Variants in TRAPPC9 observed in about 807,000 individuals in gnomAD.
The protein encoded by TRAPPC9 is IKK2 binding protein.
Under a neutral mutation model 124.0 loss-of-function variants are expected in TRAPPC9, and 83 were observed. That is an observed-to-expected ratio of 0.67 (90% CI 0.56 to 0.80). TRAPPC9 has a LOEUF of 0.80. Among genes scored for constraint, TRAPPC9 ranks in the 30% least tolerant of loss-of-function variants. The probability of loss-of-function intolerance (pLI) is 0.00; values close to 1 mark genes in which losing one functional copy is unlikely to be tolerated. For missense variants in TRAPPC9, 1,302 were observed against 1,508.3 expected, an observed-to-expected ratio of 0.86 and a Z score of 2.27; for synonymous variants, 638 against 617.5, an observed-to-expected ratio of 1.03 and a Z score of -0.49.
intron 21 of TRAPPC9, among the ~76,000 whole-genome samples, chr8:139,838,245 C>T (rs1036124735): frequency 1.3e-5 from 2 of 152,184 alleles, no homozygotes; most frequent in African/African-American, 4.8e-5. Flanking sequence ...GGAGGCTTCC[C>T]CTGCCCCCTG....
intron 17 of TRAPPC9, among the ~76,000 whole-genome samples, chr8:140,027,151 A>G (rs1023083261): frequency 2.6e-5 from 4 of 152,208 alleles, no homozygotes; most frequent in Non-Finnish European, 5.9e-5. Context: ...CTTCCTGGGT[A>G]TCTTCTGAGT....
intron 15 of TRAPPC9, among the ~76,000 whole-genome samples, chr8:140,274,943 T>A (rs748223514): frequency 6.6e-6 from 1 of 152,194 alleles, no homozygotes; most frequent in Non-Finnish European, 1.5e-5. Flanking sequence ...TCATTCTCTG[T>A]CTGGTCTCAC....
At chr8:140,223,015 A>G (rs4549745) in intron 16 of TRAPPC9, among the ~76,000 whole-genome samples, 98,837 of 152,140 alleles carry the variant, frequency 0.65, 32,717 homozygotes, top group Admixed American at 0.73. Flanking sequence ...CGTTTTATTT[A>G]TTCTTTCTTT....
At chr8:140,040,844 CT>C (rs1841229922) in intron 17 of TRAPPC9, 1 of 152,194 alleles carries the variant, frequency 6.6e-6, no homozygotes, top group East Asian at 1.9e-4. Flanking sequence ...CCCAAGTCAA[CT>C]GCAATCAAGA....
intron 7 of TRAPPC9, among the ~76,000 whole-genome samples, chr8:140,396,965 C>A (rs2069114368): frequency 7.7e-6 from 1 of 130,156 alleles, no homozygotes; most frequent in African/African-American, 2.9e-5. Flanking sequence ...TAGCACAACG[C>A]CCTCCTAAGT....
intron 5 of TRAPPC9, among the ~76,000 whole-genome samples, chr8:140,412,332 A>T (rs560673037): frequency 1.1e-4 from 17 of 152,244 alleles, no homozygotes; most frequent in Non-Finnish European, 2.2e-4. Context: ...AATTATCATG[A>T]AAAACGAAGA....
chr8:140,017,907 A>C (rs1667463834), intron 18 of TRAPPC9, among the ~76,000 whole-genome samples: 1 of 151,772 alleles, frequency 6.6e-6, no homozygotes, highest in African/African-American at 2.4e-5. Flanking sequence ...GCAGTGGTAT[A>C]ATCTCGGCTG....
intron 21 of TRAPPC9, among the ~76,000 whole-genome samples, chr8:139,738,265 T>C (rs1586734440): frequency 6.6e-6 from 1 of 152,180 alleles, no homozygotes; most frequent in Non-Finnish European, 1.5e-5. Context: ...GGTCGAAACA[T>C]GCCTAGCAAA....
chr8:139,745,398 G>A (rs2130123166), intron 21 of TRAPPC9, among the ~76,000 whole-genome samples: 1 of 152,392 alleles, frequency 6.6e-6, no homozygotes, highest in Admixed American at 6.5e-5. Context: ...CCAATGAACA[G>A]AGGGGTGTGA....
intron 17 of TRAPPC9, among the ~76,000 whole-genome samples, chr8:140,059,911 T>C (rs914278661): frequency 6.6e-6 from 1 of 152,232 alleles, no homozygotes; most frequent in African/African-American, 2.4e-5. Context: ...TTAAGCATAA[T>C]TCTAACAATC....
intron 19 of TRAPPC9, among the ~76,000 whole-genome samples, chr8:139,912,146 T>C (rs1831780607): frequency 6.6e-6 from 1 of 152,256 alleles, no homozygotes. Context: ...ATTCAAATAT[T>C]ATACTCTAAT....
rs765243773 is a variant in TRAPPC9, at chr8:140,284,025, G to C, written c.1982-4C>G. On this transcript the variant is annotated splice_polypyrimidine_tract_variant and splice_region_variant and intron_variant, in intron 13 of 22. Coordinates refer to ENST00000438773, the MANE Select transcript of TRAPPC9 (RefSeq NM_001160372.4). ...CCGAAGACCGTGGTATGGTAACCTG[G>C]AATAGAAAAGGAACTTCTTCACTCC... 6 of 1,613,846 alleles carry C rather than the reference G, an allele frequency of 3.7e-6. No individual in the cohort carries two copies. The East Asian group carries it at 8.9e-5, about 24-fold the overall frequency.
At chr8:139,740,715 C>T (rs1333009311) in intron 21 of TRAPPC9, among the ~76,000 whole-genome samples, 1 of 152,250 alleles carries the variant, frequency 6.6e-6, no homozygotes, top group African/African-American at 2.4e-5. Context: ...ATAAGGCCCA[C>T]ACGGGCGGTG....
intron 17 of TRAPPC9, among the ~76,000 whole-genome samples, chr8:140,157,564 C>T (rs1293010870): frequency 2.0e-5 from 3 of 152,182 alleles, no homozygotes; most frequent in Admixed American, 6.5e-5. Flanking sequence ...AGGGGACTGT[C>T]GTCCAATCTG....
chr8:140,148,381 A>G (rs911157190), intron 17 of TRAPPC9, among the ~76,000 whole-genome samples: 3 of 152,222 alleles, frequency 2.0e-5, no homozygotes. Context: ...AGTTACACTA[A>G]ACTCTTTTTC....
chr8:140,210,221 C>T (rs1254554131), intron 17 of TRAPPC9, among the ~76,000 whole-genome samples: 1 of 152,210 alleles, frequency 6.6e-6, no homozygotes, highest in Non-Finnish European at 1.5e-5. Flanking sequence ...CTGCCTCTGC[C>T]GCTGAACTAC....
At chr8:140,110,114 C>T (rs2060736679) in intron 17 of TRAPPC9, among the ~76,000 whole-genome samples, 1 of 150,262 alleles carries the variant, frequency 6.7e-6, no homozygotes, top group South Asian at 2.1e-4. Flanking sequence ...GCAGTGGTTG[C>T]TCCCCTGACC....
chr8:140,124,550 C>T lies in TRAPPC9; in HGVS notation c.2556+96909G>A, dbSNP rs527277080. On this transcript the variant is annotated intron_variant, in intron 17 of 22. Transcript: ENST00000438773. Reference sequence around the variant, plus strand: ...GACACACAAGGTCTGAGCATCGGGACGTGGACATCTTTGGGCGGGGGGGCA... The same window carrying T: ...GACACACAAGGTCTGAGCATCGGGATGTGGACATCTTTGGGCGGGGGGGCA... Among the ~76,000 whole-genome samples, 71 of 127,800 alleles carry T rather than the reference C, an allele frequency of 5.6e-4. 2 individuals are homozygous for T. In the South Asian group the frequency reaches 0.016, roughly 29 times the overall value. The allele number at this position is 127,800 out of a possible 152,430, so 83.8% of individuals were successfully genotyped here.
At chr8:140,318,996 G>A (rs1296423535) in intron 9 of TRAPPC9, among the ~76,000 whole-genome samples, 1 of 152,168 alleles carries the variant, frequency 6.6e-6, no homozygotes, top group Non-Finnish European at 1.5e-5. Context: ...CCAAGCTGGA[G>A]AAAAGCTTGT....
Sources: allele counts gnomAD v4.1 joint callset (sites outside exome capture counted in the v4.1 genomes callset), GRCh38; gene constraint gnomAD v4.1.1; transcripts MANE v1.5; gene names NCBI Gene and HGNC (gene_info 2026-07-23, HGNC 2026-07-21).